Variants in C5 observed in about 807,000 individuals in gnomAD.
The protein encoded by C5 is complement C5, also known as C3 and PZP-like alpha-2-macroglobulin domain-containing protein 4.
In C5, 140 loss-of-function variants were observed where a neutral mutation model predicts 218.8. The observed-to-expected ratio is 0.64, with a 90% confidence interval of 0.56 to 0.74. The LOEUF is 0.74. Among genes scored for constraint, C5 ranks in the 30% least tolerant of loss-of-function variants. The probability of loss-of-function intolerance (pLI) is 0.00; values close to 1 mark genes in which losing one functional copy is unlikely to be tolerated. For synonymous variants in C5, 614 were observed against 682.3 expected (o/e 0.90, Z 1.56); for missense variants, 1,700 against 1,969.6 (o/e 0.86, Z 2.59).
intron 13 of C5, 21 bp downstream of exon 13, chr9:121,017,622 G>A: frequency 1.9e-6 from 3 of 1,608,826 alleles, no homozygotes; most frequent in Non-Finnish European, 2.6e-6. Context: ...ATTCAATTGT[G>A]ACTTATAATT....
intron 11 of C5, among the ~76,000 whole-genome samples, chr9:121,020,998 G>A (rs1425662424): frequency 1.3e-5 from 2 of 152,144 alleles, no homozygotes; most frequent in Non-Finnish European, 2.9e-5. Context: ...ATGTTATTAT[G>A]TTACTAAGTT....
At chr9:121,054,542 G>A (rs1026268698), upstream of C5, among the ~76,000 whole-genome samples, 2 of 152,214 alleles carry the variant, frequency 1.3e-5, no homozygotes, top group South Asian at 4.1e-4. Context: ...AGAGGTTGCA[G>A]TGAGCCAAGA....
chr9:121,023,559 G>T, intron 9 of C5, 40 bp from the exon 10 acceptor site: 1 of 1,142,870 alleles, frequency 8.7e-7, no homozygotes, highest in Non-Finnish European at 1.3e-6. Flanking sequence ...GTTTTTAGGA[G>T]TATCATGATC....
At chr9:121,072,565 G>T in the C5 span, among the ~76,000 whole-genome samples, 1 of 152,120 alleles carries the variant, frequency 6.6e-6, no homozygotes, top group Non-Finnish European at 1.5e-5. Flanking sequence ...CCAGCACTTT[G>T]GGAGGCCGAG....
In C5 at chr9:121,050,251, G is replaced by A. The variant is rs1390144706; in HGVS notation, c.-5C>T. On this transcript the variant is annotated 5_prime_UTR_variant, in exon 1 of 41. Transcript: ENST00000223642. ...AAGTATTCCCAAAAGGCCCATGGTTGGAGGTAGCAGGAAACCACGGATATA... is the reference window on the plus strand; with the variant it reads ...AAGTATTCCCAAAAGGCCCATGGTTAGAGGTAGCAGGAAACCACGGATATA... The A allele has an allele frequency of 6.2e-7, 1 of 1,612,614 alleles. No individual in the cohort carries two copies.
At chr9:120,998,708 C>T (rs1284947398) in intron 20 of C5, among the ~76,000 whole-genome samples, 2 of 152,186 alleles carry the variant, frequency 1.3e-5, no homozygotes, top group Non-Finnish European at 2.9e-5. Context: ...CTCTCTAATC[C>T]TCCATTTTCT....
chr9:121,037,049 T>C (rs2047532384), intron 4 of C5, among the ~76,000 whole-genome samples: 1 of 152,062 alleles, frequency 6.6e-6, no homozygotes, highest in Admixed American at 6.5e-5. Context: ...GGGAGTTCAA[T>C]GCACAGCGTC....
chr9:120,990,026 A>G lies in C5; in HGVS notation c.2942-246T>C, dbSNP rs1212156848. ...GTAGGTAATGTAATACAGTGGACTG[A>G]TTGCTGCAAGAGAACATGGCAAATT... On this transcript the variant is annotated intron_variant, in intron 23 of 40. Transcript: ENST00000223642. Among the ~76,000 whole-genome samples, 5 of 152,170 alleles carry G rather than the reference A, an allele frequency of 3.3e-5. No homozygotes were observed. In the East Asian group the frequency reaches 9.6e-4, roughly 29 times the overall value.
Position 121,046,386 on chromosome 9 carries a change from G to T in C5, c.66-3C>A, listed in dbSNP as rs994142239. ...TTTTTGGTGCTGAAATGACATATCT[G>T]TTGAAAAAGGAAAAGATAAGGCTCA... On this transcript the variant is annotated splice_polypyrimidine_tract_variant and splice_region_variant and intron_variant, in intron 1 of 40. Coordinates refer to ENST00000223642, the MANE Select transcript of C5 (RefSeq NM_001735.3). 3.7e-6 allele frequency: 6 copies of T among 1,602,814 alleles called. No individual in the cohort carries two copies. The highest frequency in any genetic ancestry group is 5.1e-6 in the Non-Finnish European group (6 of 1,170,342).
In C5 at chr9:120,982,736, A is replaced by T; in HGVS notation, c.3309T>A (p.Ser1103=). Reference sequence around the variant, plus strand: ...GATAATTCTCAACTAGCCACAATAAAGAATTACAAATTGAATTTTGGTTCT... The same window carrying T: ...GATAATTCTCAACTAGCCACAATAATGAATTACAAATTGAATTTTGGTTCT... ...VEQNQNSICN[S]LLWLVENYQL... The change falls in exon 26 of 41, where the codon TCT becomes TCA. Residue 1103 remains serine (S), a synonymous_variant. Transcript: ENST00000223642. 6.2e-7 allele frequency: 1 copy of T among 1,605,816 alleles called. No individual in the cohort carries two copies. Among genetic ancestry groups the T allele is most frequent in the South Asian group, 1.1e-5 (1 of 90,788 alleles).
At chr9:121,015,804 A>G (rs2047302162) in intron 15 of C5, among the ~76,000 whole-genome samples, 1 of 152,230 alleles carries the variant, frequency 6.6e-6, no homozygotes, top group African/African-American at 2.4e-5. Flanking sequence ...AAATAGATCT[A>G]GTCCCTGCAA....
Position 121,046,224 on chromosome 9 carries a change from T to C in C5, c.225A>G (p.Ser75=), listed in dbSNP as rs780643061. The C allele has an allele frequency of 3.1e-6, 5 of 1,601,154 alleles. No individual in the cohort carries two copies. Among genetic ancestry groups the C allele is most frequent in the South Asian group, 1.1e-5 (1 of 90,272 alleles). Residue 75 remains serine, a synonymous_variant, in exon 2 of 41, where the codon TCA becomes TCG. Coordinates refer to ENST00000223642, the MANE Select transcript of C5 (RefSeq NM_001735.3). ...TTGCAGAGTTTTGGAATTTATTCTC[T>C]GAGGATAAATGAACATGGCCTGAGG... ...SYSSGHVHLS[S]ENKFQNSAIL... is the part of the protein sequence containing the mutation.
chr9:120,980,909 T>C (rs1368252811), intron 27 of C5, among the ~76,000 whole-genome samples: 1 of 152,110 alleles, frequency 6.6e-6, no homozygotes, highest in Non-Finnish European at 1.5e-5. Flanking sequence ...AGACACAACT[T>C]TTATTGTTCC....
intron 17 of C5, among the ~76,000 whole-genome samples, chr9:121,012,560 C>G (rs1236124765): frequency 6.6e-6 from 1 of 152,106 alleles, no homozygotes; most frequent in African/African-American, 2.4e-5. Flanking sequence ...GGAAAACAAT[C>G]TGAATCTTAG....
At chr9:121,016,920 A>G (rs2047312187) in intron 14 of C5, among the ~76,000 whole-genome samples, 1 of 152,190 alleles carries the variant, frequency 6.6e-6, no homozygotes. Flanking sequence ...CTCGAAAATA[A>G]TAGCTGAACA....
intron 5 of C5, among the ~76,000 whole-genome samples, chr9:121,033,412 G>A (rs1400958009): frequency 1.3e-5 from 2 of 152,224 alleles, no homozygotes; most frequent in East Asian, 3.8e-4. Flanking sequence ...TAGCCTTTTT[G>A]TAGTAGCTTC....
rs1417833442 is a variant in C5 at position 120,969,107 on chromosome 9, T to G, written c.4174A>C (p.Arg1392=). The G allele has an allele frequency of 6.2e-7, 1 of 1,613,886 alleles. No individual in the cohort carries two copies. Among genetic ancestry groups the G allele is most frequent in the Non-Finnish European group, 8.5e-7 (1 of 1,179,768 alleles). Residue 1392 remains arginine (R), a synonymous_variant, in exon 33 of 41, where the codon AGA becomes CGA. Transcript: ENST00000223642. ...TTGTAATCAGAGTTTCCGTAGCCTC[T>G]GTAGTGGGATGCTGGCACATAAGAC... ...DTQDIEASHY[R]GYGNSDYKRI...
chr9:120,960,225 CT>C (rs765136432), intron 38 of C5, 22 bp downstream of exon 38: 11 of 1,442,408 alleles, frequency 7.6e-6, no homozygotes, highest in Non-Finnish European at 1.1e-5. Flanking sequence ...TTTAAAGGAG[CT>C]ATATTGAACT....
At chr9:121,067,168 T>C in the C5 span, among the ~76,000 whole-genome samples, 1 of 151,988 alleles carries the variant, frequency 6.6e-6, no homozygotes, top group Non-Finnish European at 1.5e-5. Context: ...CTCAGGAGAT[T>C]GAGGCAGGAG....
Sources: gnomAD v4.1 joint callset for allele counts (sites outside exome capture counted in the v4.1 genomes callset) on GRCh38, gnomAD v4.1.1 for gene constraint, MANE v1.5 for transcripts, NCBI Gene and HGNC (gene_info 2026-07-23, HGNC 2026-07-21) for gene names.